Variants in AGL observed in about 807,000 individuals in gnomAD.
The protein encoded by AGL is glycogen debranching enzyme.
Under a neutral mutation model 199.3 loss-of-function variants are expected in AGL, and 128 were observed. That is an observed-to-expected ratio of 0.64 (90% CI 0.56 to 0.74). The LOEUF (loss-of-function observed/expected upper bound fraction) is 0.74, where lower values mean the gene tolerates loss of function less well. Ranked by LOEUF, AGL falls within the 30% of genes least tolerant of loss-of-function variation. The pLI is 0.00. For missense variants in AGL, 1,809 were observed against 1,820.8 expected, an observed-to-expected ratio of 0.99 and a Z score of 0.12; for synonymous variants, 584 against 594.7, an observed-to-expected ratio of 0.98 and a Z score of 0.26.
chr1:99,894,791 A>G (rs1055081134), intron 24 of AGL, among the ~76,000 whole-genome samples: 10 of 152,180 alleles, frequency 6.6e-5, no homozygotes, highest in Non-Finnish European at 5.9e-5. Flanking sequence ...TATTTCAGTC[A>G]TCAAATATTT....
intron 10 of AGL, 117 bp from the exon 11 acceptor site, chr1:99,876,341 C>A: frequency 1.2e-6 from 1 of 802,566 alleles, no homozygotes; most frequent in South Asian, 1.9e-5. Context: ...CTATAAATAG[C>A]ATCAAACTTA....
chr1:99,920,713 G>A (rs561974451), intron 33 of AGL, among the ~76,000 whole-genome samples: 7 of 152,176 alleles, frequency 4.6e-5, no homozygotes, highest in East Asian at 3.9e-4. Flanking sequence ...CCACTGAAGC[G>A]TGTATGTAAT....
At chr1:99,872,366 A>G (rs1466927737) in intron 7 of AGL, among the ~76,000 whole-genome samples, 1 of 152,178 alleles carries the variant, frequency 6.6e-6, no homozygotes, top group Non-Finnish European at 1.5e-5. Context: ...TGAAGGATAC[A>G]TTGTTAAACA....
chr1:99,862,105 T>C (rs1425273741), intron 3 of AGL, 152 bp from the exon 4 acceptor site: 1 of 832,156 alleles, frequency 1.2e-6, no homozygotes, highest in Non-Finnish European at 1.9e-6. Flanking sequence ...TTCCATTAAG[T>C]TTTGTTGCAA....
chr1:99,905,380 TGTTGTTG>T (rs1654202762), intron 27 of AGL, among the ~76,000 whole-genome samples: 1 of 150,548 alleles, frequency 6.6e-6, no homozygotes, highest in Non-Finnish European at 1.5e-5. Context: ...TATTTGTTGT[TGTTGTTG>T]TTGTTGTTGT....
chr1:99,921,706 A>C lies in AGL; in HGVS notation c.*55A>C. ...TTGTATTATAGGATGCAAGGTCATC[A>C]TATGTAAATGCCTTATATGCACAGG... is the stretch of plus-strand genomic sequence containing the variant. On this transcript the variant is annotated 3_prime_UTR_variant, in exon 34 of 34. Transcript: ENST00000361915. The C allele has an allele frequency of 8.1e-7, 1 of 1,235,444 alleles. No individual in the cohort carries two copies. Among genetic ancestry groups the C allele is most frequent in the Non-Finnish European group, 1.2e-6 (1 of 841,614 alleles). The allele number at this position is 1,235,444 out of a possible 1,614,324, so 76.5% of individuals were successfully genotyped here. A position where few individuals can be genotyped will look rare whatever the true frequency, so the allele number is the denominator to read the frequency against.
At chr1:99,853,819 G>C (rs1446422927) in intron 2 of AGL, among the ~76,000 whole-genome samples, 3 of 152,214 alleles carry the variant, frequency 2.0e-5, no homozygotes, top group African/African-American at 7.2e-5. Flanking sequence ...GAGCCCAGGA[G>C]TTAAAGGCTG....
rs779741912 is a variant in AGL at position 99,900,798 on chromosome 1, C to T, written c.3525C>T (p.Leu1175=). The T allele has an allele frequency of 1.9e-6, 3 of 1,613,944 alleles. No homozygotes were observed. The highest frequency in any genetic ancestry group is 2.5e-6 in the Non-Finnish European group (3 of 1,179,978). ...TGGTTCCAAATGGTCTAGACATTCT[C>T]AAGTGCCCAGTTTCCAGAATGTATC... The part of the protein sequence containing the change: ...CKMVPNGLDI[L]KCPVSRMYPT... The change falls in exon 26 of 34, where the codon CTC becomes CTT. Residue 1175 remains leucine, a synonymous_variant. Coordinates refer to ENST00000361915, the MANE Select transcript of AGL (RefSeq NM_000642.3).
chr1:99,873,399 T>A (rs559914623), intron 7 of AGL, among the ~76,000 whole-genome samples: 3 of 152,018 alleles, frequency 2.0e-5, no homozygotes, highest in Non-Finnish European at 2.9e-5. Flanking sequence ...ATGGCATAGC[T>A]TTTTCTCTTT....
At chr1:99,868,428 A>G (rs985245533) in intron 5 of AGL, among the ~76,000 whole-genome samples, 1 of 152,124 alleles carries the variant, frequency 6.6e-6, no homozygotes, top group African/African-American at 2.4e-5. Context: ...CCTGGGCATC[A>G]TGGTGAAACC....
chr1:99,916,956 A>G (rs997885781), intron 33 of AGL, among the ~76,000 whole-genome samples: 22 of 152,120 alleles, frequency 1.4e-4, no homozygotes, highest in Admixed American at 3.3e-4. Flanking sequence ...TGTGCGATTT[A>G]TACATGTGGA....
chr1:99,873,963 G>A (rs997841057), intron 7 of AGL, among the ~76,000 whole-genome samples: 8 of 152,034 alleles, frequency 5.3e-5, no homozygotes, highest in African/African-American at 1.9e-4. Context: ...AGGCAATCCT[G>A]TACCAGTTCT....
At chr1:99,862,570 G>C (rs968281506) in intron 4 of AGL, 147 bp downstream of exon 4, 2 of 939,222 alleles carry the variant, frequency 2.1e-6, no homozygotes, top group African/African-American at 3.3e-5. Flanking sequence ...AAAGAAAAGA[G>C]GTTTGACTCA....
At chr1:99,852,101 T>G (rs1477216088) in intron 2 of AGL, among the ~76,000 whole-genome samples, 1 of 152,144 alleles carries the variant, frequency 6.6e-6, no homozygotes, top group African/African-American at 2.4e-5. Flanking sequence ...TTCCTTTCAC[T>G]TTTTAATTAA....
intron 2 of AGL, among the ~76,000 whole-genome samples, chr1:99,856,098 T>C (rs1361965643): frequency 1.3e-5 from 2 of 152,196 alleles, no homozygotes; most frequent in Non-Finnish European, 2.9e-5. Flanking sequence ...AGCCACACCA[T>C]GTACTGCTAT....
At position 99,916,724 on chromosome 1, in the gene AGL, C is replaced by T; in HGVS notation, c.4474C>T (p.Leu1492Phe). ...KNVLSRHYVH[L>F]ERSPWKGLPE... Reference sequence around the variant, plus strand: ...TGTTCTTTCCCGACATTATGTTCATCTTGAGAGGTAAGTCATCAGGAGCAT... The same window carrying T: ...TGTTCTTTCCCGACATTATGTTCATTTTGAGAGGTAAGTCATCAGGAGCAT... The change falls in exon 33 of 34, where the codon CTT becomes TTT. Residue 1492 changes from leucine to phenylalanine, a missense_variant. Transcript: ENST00000361915. 6.2e-7 allele frequency: 1 copy of T among 1,613,142 alleles called. No homozygotes were observed. Among genetic ancestry groups the T allele is most frequent in the Non-Finnish European group, 8.5e-7 (1 of 1,179,406 alleles).
chr1:99,882,686 AT>A (rs1009004262), intron 17 of AGL, among the ~76,000 whole-genome samples: 8 of 152,000 alleles, frequency 5.3e-5, no homozygotes, highest in Admixed American at 3.3e-4. Context: ...ATATTACTTG[AT>A]TTTTTTCTGG....
In AGL at chr1:99,921,622, A is replaced by G. The variant is rs995580660; in HGVS notation, c.4570A>G (p.Thr1524Ala). 1.2e-6 allele frequency: 2 copies of G among 1,611,412 alleles called. No homozygotes were observed. The highest frequency in any genetic ancestry group is 1.3e-5 in the African/African-American group (1 of 74,992). The change falls in exon 34 of 34, where the codon ACT becomes GCT. Residue 1524 changes from threonine to alanine, a missense_variant. Physicochemically the swap from Thr to Ala is moderately conservative, Grantham distance 58. Coordinates refer to ENST00000361915, the MANE Select transcript of AGL (RefSeq NM_000642.3). ...SCETQAWSIA[T>A]ILETLYDL Reference sequence around the variant, plus strand: ...TGAAACACAAGCCTGGTCAATTGCTACTATTCTTGAGACACTTTATGATTT... The same window carrying G: ...TGAAACACAAGCCTGGTCAATTGCTGCTATTCTTGAGACACTTTATGATTT...
intron 18 of AGL, 47 bp downstream of exon 18, chr1:99,884,291 A>G (rs1292614274): frequency 6.2e-7 from 1 of 1,612,252 alleles, no homozygotes; most frequent in Non-Finnish European, 8.5e-7. Context: ...TTTTAAGAAC[A>G]TTAGAACTAT....
Sources: gnomAD v4.1 joint callset for allele counts (sites outside exome capture counted in the v4.1 genomes callset) on GRCh38, gnomAD v4.1.1 for gene constraint, MANE v1.5 for transcripts, NCBI Gene and HGNC (gene_info 2026-07-23, HGNC 2026-07-21) for gene names.